TG: variants seen among roughly 807,000 people sequenced by gnomAD.
TG encodes thyroglobulin.
In TG, 270 loss-of-function variants were observed where a neutral mutation model predicts 324.7. The ratio of observed to expected loss-of-function variants is 0.83; its 90% CI spans 0.75 to 0.92. TG has a LOEUF of 0.92. Among genes scored for constraint, TG ranks in the 40% least tolerant of loss-of-function variants. The pLI, the probability that TG is intolerant of heterozygous loss-of-function variation, is 0.00. For missense variants in TG, 3,591 were observed against 3,456.4 expected (o/e 1.04, Z -0.98); for synonymous variants, 1,401 against 1,327.0 (o/e 1.06, Z -1.21).
At chr8:132,884,882 G>C (rs561745278) in intron 8 of TG, among the ~76,000 whole-genome samples, 4 of 152,226 alleles carry the variant, frequency 2.6e-5, no homozygotes, top group African/African-American at 4.8e-5. Flanking sequence ...GAAAGAGAAA[G>C]GGTAAGCTCT....
At chr8:132,969,040 G>A (rs771823772) in intron 31 of TG, among the ~76,000 whole-genome samples, 7 of 152,082 alleles carry the variant, frequency 4.6e-5, no homozygotes, top group African/African-American at 9.7e-5. Flanking sequence ...AGCATCTAGA[G>A]GCCAAATAGC....
At chr8:133,036,015 C>T (rs1837082986) in intron 41 of TG, among the ~76,000 whole-genome samples, 1 of 152,186 alleles carries the variant, frequency 6.6e-6, no homozygotes, top group South Asian at 2.1e-4. Flanking sequence ...TCCCTAGCTC[C>T]CTCAGTCTGG....
At chr8:132,914,235 G>T (rs1819965302) in intron 20 of TG, among the ~76,000 whole-genome samples, 1 of 152,150 alleles carries the variant, frequency 6.6e-6, no homozygotes, top group Non-Finnish European at 1.5e-5. Context: ...GATATCTTTG[G>T]GGGGACCTTT....
chr8:132,986,460 C>G (rs1230165958), intron 35 of TG, among the ~76,000 whole-genome samples: 1 of 151,726 alleles, frequency 6.6e-6, no homozygotes, highest in Non-Finnish European at 1.5e-5. Context: ...GTCTAAATCA[C>G]TCATTCATGC....
intron 41 of TG, chr8:133,072,958 C>G (rs1844300199): frequency 6.6e-6 from 1 of 152,154 alleles, no homozygotes; most frequent in East Asian, 1.9e-4. Flanking sequence ...TTATTAATAG[C>G]TTTCTGCCTA....
At chr8:132,960,486 C>G (rs1292598703) in intron 27 of TG, among the ~76,000 whole-genome samples, 1 of 152,196 alleles carries the variant, frequency 6.6e-6, no homozygotes. Context: ...CAGGGGAGAA[C>G]AGTTTGCCAG....
At chr8:132,942,049 C>T (rs1231537735) in intron 26 of TG, among the ~76,000 whole-genome samples, 2 of 152,122 alleles carry the variant, frequency 1.3e-5, no homozygotes, top group African/African-American at 4.8e-5. Context: ...GATCAATAGG[C>T]CTATCATTTT....
chr8:132,947,871 G>A (rs924215809), intron 26 of TG, among the ~76,000 whole-genome samples: 4 of 152,142 alleles, frequency 2.6e-5, no homozygotes, highest in African/African-American at 4.8e-5. Context: ...ATAAAAAAAC[G>A]TGTGAGTTAC....
At chr8:132,915,837 G>T (rs1820210324) in intron 20 of TG, among the ~76,000 whole-genome samples, 2 of 152,152 alleles carry the variant, frequency 1.3e-5, no homozygotes, top group African/African-American at 2.4e-5. Flanking sequence ...GCCTTTAACT[G>T]ACTCACAAAG....
intron 45 of TG, among the ~76,000 whole-genome samples, chr8:133,117,182 A>G (rs1850767106): frequency 6.6e-6 from 1 of 152,236 alleles, no homozygotes; most frequent in Non-Finnish European, 1.5e-5. Flanking sequence ...GAAGTCATCA[A>G]AATGAGAAAG....
chr8:132,994,782 G>A (rs1425743717), intron 35 of TG: 3 of 1,288,180 alleles, frequency 2.3e-6, no homozygotes, highest in Non-Finnish European at 3.0e-6. Flanking sequence ...CCGTATAACT[G>A]GAGTACCTGG....
intron 34 of TG, among the ~76,000 whole-genome samples, chr8:132,974,440 G>A (rs996996714): frequency 6.6e-6 from 1 of 152,198 alleles, no homozygotes; most frequent in Non-Finnish European, 1.5e-5. Context: ...TGCAGAGTAG[G>A]TATTGTTTTT....
chr8:132,930,919 C>T (rs534411862), intron 23 of TG, among the ~76,000 whole-genome samples: 9 of 152,276 alleles, frequency 5.9e-5, no homozygotes, highest in Non-Finnish European at 1.2e-4. Context: ...ATCAGACAAA[C>T]GAGAGCAGAG....
intron 43 of TG, among the ~76,000 whole-genome samples, chr8:133,099,129 C>A (rs1423657804): frequency 5.9e-5 from 9 of 152,200 alleles, no homozygotes; most frequent in African/African-American, 1.2e-4. Flanking sequence ...CTGGAGAAGC[C>A]AGCATTGAAG....
intron 26 of TG, 23 bp downstream of exon 26, chr8:132,941,565 G>C (rs772449996): frequency 6.2e-7 from 1 of 1,614,064 alleles, no homozygotes; most frequent in East Asian, 2.2e-5. Context: ...GTGAGGGCCA[G>C]GGCCTAACAA....
At chr8:132,907,133 C>G (rs556862991) in intron 17 of TG, among the ~76,000 whole-genome samples, 4 of 152,340 alleles carry the variant, frequency 2.6e-5, no homozygotes, top group Middle Eastern at 6.8e-3. Flanking sequence ...CTGGAACCAT[C>G]TGCTCCTTGA....
At position 132,913,265 on chromosome 8, in the gene TG, G is replaced by A. The variant is rs199615848; in HGVS notation, c.4378G>A (p.Val1460Ile). ...GGCCAGTCAGGACGGACTGGGATGC[G>A]GTAGGTCCACTCTCTCCCTGGATAT... ...SEASQDGLGC[V>I]KCPEGSYSQD... is the part of the protein sequence containing the mutation. Residue 1460 changes from valine to isoleucine, a missense_variant and splice_region_variant, in exon 20 of 48, where the codon GTT (valine) becomes ATT (isoleucine). Coordinates refer to ENST00000220616, the MANE Select transcript of TG (RefSeq NM_003235.5). 2.6e-4 allele frequency: 422 copies of A among 1,613,570 alleles called. No homozygotes were observed. The highest frequency in any genetic ancestry group is 3.0e-4 in the Non-Finnish European group (349 of 1,179,746).
intron 14 of TG, among the ~76,000 whole-genome samples, chr8:132,899,965 C>T (rs1222025016): frequency 6.6e-6 from 1 of 152,174 alleles, no homozygotes; most frequent in Non-Finnish European, 1.5e-5. Context: ...AGTTGTTGCC[C>T]CACTTTCCCT....
intron 45 of TG, among the ~76,000 whole-genome samples, chr8:133,125,389 G>A (rs1315110008): frequency 3.3e-5 from 5 of 152,194 alleles, no homozygotes; most frequent in Admixed American, 3.3e-4. Flanking sequence ...GAAATAAGAA[G>A]ATGTGTGATC....
Sources: allele counts gnomAD v4.1 joint callset (sites outside exome capture counted in the v4.1 genomes callset), GRCh38; gene constraint gnomAD v4.1.1; transcripts MANE v1.5; gene names NCBI Gene and HGNC (gene_info 2026-07-23, HGNC 2026-07-21).